The following STK40 variants were observed in gnomAD, a reference collection of about 807,000 sequenced individuals.
STK40 encodes serine/threonine kinase 40, also known as serine/threonine-protein kinase 40.
A neutral mutation model predicts 47.9 loss-of-function variants in STK40; 13 were observed. The ratio of observed to expected loss-of-function variants is 0.27; its 90% CI spans 0.18 to 0.43. The LOEUF (loss-of-function observed/expected upper bound fraction) is 0.43, where lower values mean the gene tolerates loss of function less well. Ranked by LOEUF, STK40 falls within the 20% of genes least tolerant of loss-of-function variation. The probability of loss-of-function intolerance (pLI) is 1.00; values close to 1 mark genes in which losing one functional copy is unlikely to be tolerated. For missense variants in STK40, 460 were observed against 595.1 expected, an observed-to-expected ratio of 0.77 and a Z score of 2.36; for synonymous variants, 225 against 243.2, an observed-to-expected ratio of 0.93 and a Z score of 0.69.
chr1:36,343,686 G>T (rs1236666191), intron 9 of STK40, among the ~76,000 whole-genome samples, 174 bp downstream of exon 9: 1 of 152,238 alleles, frequency 6.6e-6, no homozygotes, highest in Non-Finnish European at 1.5e-5. Context: ...GCAGCCCATA[G>T]TTGCTCAACC....
chr1:36,370,186 C>G (rs754573727), intron 1 of STK40, among the ~76,000 whole-genome samples: 1 of 152,254 alleles, frequency 6.6e-6, no homozygotes, highest in Non-Finnish European at 1.5e-5. Context: ...GAGAGCAACC[C>G]CTACTGAAGA....
rs1161587443 is a variant in STK40 at position 36,344,039 on chromosome 1, G to A, written c.885-60C>T. 4.4e-6 allele frequency: 7 copies of A among 1,588,644 alleles called. No individual in the cohort carries two copies. The Admixed American group carries it at 1.0e-4, about 23-fold the overall frequency. ...GTGGTGCTGGGTCTGTGGCCAGGAT[G>A]CCCAGGCTCACTGTGCCGTTTCCCT... On this transcript the variant is annotated intron_variant, in intron 8 of 10. Coordinates refer to ENST00000373132, the MANE Select transcript of STK40 (RefSeq NM_001282547.2).
chr1:36,343,680 C>T (rs1055547086), intron 9 of STK40, among the ~76,000 whole-genome samples, 180 bp downstream of exon 9: 3 of 152,216 alleles, frequency 2.0e-5, no homozygotes, highest in Admixed American at 1.3e-4. Context: ...ACTATGGCAG[C>T]CCATAGTTGC....
chr1:36,377,460 G>C (rs949801924), intron 1 of STK40, among the ~76,000 whole-genome samples: 3 of 150,744 alleles, frequency 2.0e-5, no homozygotes, highest in Non-Finnish European at 4.4e-5. Context: ...TTGAACCTGG[G>C]AGGCGGAGGT....
chr1:36,369,180 C>G (rs543111946), intron 1 of STK40, among the ~76,000 whole-genome samples: 128 of 152,290 alleles, frequency 8.4e-4, no homozygotes, highest in Non-Finnish European at 5.7e-4. Flanking sequence ...GGCGGGGCCT[C>G]CATGCAATCT....
Position 36,345,991 on chromosome 1 carries a change from A to ATTTTTTTTT in STK40, c.740-1736_740-1728dup, listed in dbSNP as rs143130232. On this transcript the variant is annotated intron_variant, in intron 7 of 10. Transcript: ENST00000373132. ...TACATATATATATATATATATATATATTTTTTTTTTTTTTTTTTCCTGAGA... is the reference window on the plus strand; with the variant it reads ...TACATATATATATATATATATATATATTTTTTTTTTTTTTTTTTTTTTTTTTTCCTGAGA... Among the ~76,000 whole-genome samples, 17 of 26,466 alleles carry ATTTTTTTTT rather than the reference A, an allele frequency of 6.4e-4. 1 individual carries two copies. Among genetic ancestry groups the ATTTTTTTTT allele is most frequent in the South Asian group, 1.6e-3 (1 of 644 alleles). 17.4% of individuals were successfully genotyped at this position (26,466 alleles called of 152,430 possible).
At chr1:36,351,148 T>G (rs1260536347) in intron 6 of STK40, among the ~76,000 whole-genome samples, 1 of 152,088 alleles carries the variant, frequency 6.6e-6, no homozygotes, top group Non-Finnish European at 1.5e-5. Context: ...CTTGGTATGT[T>G]GCTTGCCTAC....
At chr1:36,352,515 T>C (rs999970322) in intron 6 of STK40, among the ~76,000 whole-genome samples, 1 of 152,102 alleles carries the variant, frequency 6.6e-6, no homozygotes, top group African/African-American at 2.4e-5. Context: ...AACGAAGAAG[T>C]GGCACTGGGA....
At chr1:36,372,381 A>G (rs536098741) in intron 1 of STK40, among the ~76,000 whole-genome samples, 1 of 146,798 alleles carries the variant, frequency 6.8e-6, no homozygotes, top group East Asian at 2.0e-4. Context: ...GTGAGCCATG[A>G]CAGCACCACT....
At chr1:36,357,840 C>G (rs1449845041) in intron 4 of STK40, among the ~76,000 whole-genome samples, 3 of 152,196 alleles carry the variant, frequency 2.0e-5, no homozygotes, top group Non-Finnish European at 4.4e-5. Flanking sequence ...TGGTCTCGAT[C>G]TCCTGACCTT....
rs2124721585 is a variant in STK40, at chr1:36,341,528, T to C, written c.*227A>G. 1.7e-6 allele frequency: 1 copy of C among 579,832 alleles called. No homozygotes were observed. The highest frequency in any genetic ancestry group is 3.1e-5 in the Admixed American group (1 of 32,730). The allele number at this position is 579,832 out of a possible 1,614,324, so 35.9% of individuals were successfully genotyped here. On this transcript the variant is annotated 3_prime_UTR_variant, in exon 11 of 11. Coordinates refer to ENST00000373132, the MANE Select transcript of STK40 (RefSeq NM_001282547.2). ...ACATCGTGATTAAAAGCAGATTAGT[T>C]ATCTAGGCTTCTCAGATTTAAAAAC...
intron 1 of STK40, among the ~76,000 whole-genome samples, chr1:36,376,661 C>T (rs901772157): frequency 2.6e-5 from 4 of 152,186 alleles, no homozygotes; most frequent in African/African-American, 7.2e-5. Flanking sequence ...GCAGCCTTTC[C>T]GACTAGGTCC....
intron 1 of STK40, among the ~76,000 whole-genome samples, chr1:36,382,725 A>T (rs1289415945): frequency 1.3e-5 from 2 of 152,202 alleles, no homozygotes; most frequent in Non-Finnish European, 2.9e-5. Context: ...ACTAATTCCT[A>T]AAAGTTCTTT....
intron 1 of STK40, among the ~76,000 whole-genome samples, chr1:36,381,045 C>G (rs1438326295): frequency 6.6e-6 from 1 of 152,164 alleles, no homozygotes; most frequent in African/African-American, 2.4e-5. Context: ...GCATCACTTC[C>G]AAACACTCCC....
At position 36,341,479 on chromosome 1, in the gene STK40, T is replaced by G; in HGVS notation, c.*276A>C. The G allele has an allele frequency of 2.2e-6, 1 of 449,438 alleles. No individual in the cohort carries two copies. The highest frequency in any genetic ancestry group is 4.1e-6 in the Non-Finnish European group (1 of 242,558). 27.8% of individuals were successfully genotyped at this position (449,438 alleles called of 1,614,324 possible). On this transcript the variant is annotated 3_prime_UTR_variant, in exon 11 of 11. Transcript: ENST00000373132. Reference sequence around the variant, plus strand: ...CTTGCTCAGTCCAGAGACAGCATGGTTAAAGAGACAGAGGTAGATTAAAAC... The same window carrying G: ...CTTGCTCAGTCCAGAGACAGCATGGGTAAAGAGACAGAGGTAGATTAAAAC...
chr1:36,376,861 T>C (rs1261508750), intron 1 of STK40, among the ~76,000 whole-genome samples: 1 of 151,612 alleles, frequency 6.6e-6, no homozygotes, highest in Non-Finnish European at 1.5e-5. Flanking sequence ...ATTGTAACTA[T>C]CACCTCCCCG....
At chr1:36,381,623 A>G (rs1647040039) in intron 1 of STK40, among the ~76,000 whole-genome samples, 1 of 152,184 alleles carries the variant, frequency 6.6e-6, no homozygotes, top group Non-Finnish European at 1.5e-5. Context: ...CTGGAACTAC[A>G]GGTACATGCC....
intron 1 of STK40, among the ~76,000 whole-genome samples, chr1:36,382,707 T>C (rs900839113): frequency 1.3e-5 from 2 of 152,208 alleles, no homozygotes; most frequent in Non-Finnish European, 2.9e-5. Flanking sequence ...TTGCCATGAA[T>C]TGCTGCAACT....
At chr1:36,366,836 C>CTA (rs1392785569) in intron 1 of STK40, among the ~76,000 whole-genome samples, 6 of 139,086 alleles carry the variant, frequency 4.3e-5, no homozygotes, top group Non-Finnish European at 9.5e-5. Flanking sequence ...TCTTCTTCTT[C>CTA]TTTTTTTTTT....
Sources: gnomAD v4.1 joint callset for allele counts (sites outside exome capture counted in the v4.1 genomes callset) on GRCh38, gnomAD v4.1.1 for gene constraint, MANE v1.5 for transcripts, NCBI Gene and HGNC (gene_info 2026-07-23, HGNC 2026-07-21) for gene names.